Variants in NAPRT observed in about 807,000 individuals in gnomAD.
NAPRT encodes the protein FHA-HIT-interacting protein.
A neutral mutation model predicts 60.7 loss-of-function variants in NAPRT; 66 were observed. That is an observed-to-expected ratio of 1.09 (90% CI 0.89 to 1.33). The LOEUF is 1.33. Among genes scored for constraint, NAPRT ranks in the 40% most tolerant of loss-of-function variants. NAPRT has a pLI of 0.00. For synonymous variants in NAPRT, 405 were observed against 335.7 expected (o/e 1.21, Z -2.26); for missense variants, 818 against 731.5 (o/e 1.12, Z -1.36).
chr8:143,577,461 G>T, intron 3 of NAPRT, 62 bp from the exon 4 acceptor site: 3 of 1,536,946 alleles, frequency 2.0e-6, no homozygotes, highest in East Asian at 2.3e-5. Flanking sequence ...CCAAGACGGC[G>T]GTTACCTGGG....
chr8:143,577,999 A>G (rs1390695228), intron 1 of NAPRT, 56 bp from the exon 2 acceptor site: 3 of 1,528,228 alleles, frequency 2.0e-6, no homozygotes, highest in Non-Finnish European at 1.8e-6. Context: ...GTCGTGGGAC[A>G]TGGGGGGTTC....
intron 6 of NAPRT, 36 bp from the exon 7 acceptor site, chr8:143,576,608 G>C (rs1030818170): frequency 6.2e-7 from 1 of 1,605,754 alleles, no homozygotes; most frequent in South Asian, 1.1e-5. Context: ...AGGCTGCTGA[G>C]GTTCTGCTGA....
intron 3 of NAPRT, 71 bp from the exon 4 acceptor site, chr8:143,577,470 G>A: frequency 2.0e-6 from 3 of 1,525,008 alleles, no homozygotes; most frequent in Non-Finnish European, 2.7e-6. Context: ...CGGTTACCTG[G>A]GGCCTGGAAC....
At chr8:143,572,964 C>G, downstream of NAPRT, 1 of 480,462 alleles carries the variant, frequency 2.1e-6, no homozygotes, top group Non-Finnish European at 3.7e-6. Flanking sequence ...CACCAGGGCC[C>G]TGAGAACAGG....
rs1438670075 is a variant in NAPRT at position 143,576,641 on chromosome 8, C to T, written c.881+5G>A. On this transcript the variant is annotated splice_donor_5th_base_variant and intron_variant, in intron 6 of 12. Transcript: ENST00000449291. Reference sequence around the variant, plus strand: ...TGAGCCCACCCCTAAAGTGCCCGGGCTCACCTCCACACGCTGTAGGTGTCC... The same window carrying T: ...TGAGCCCACCCCTAAAGTGCCCGGGTTCACCTCCACACGCTGTAGGTGTCC... The T allele has an allele frequency of 6.2e-7, 1 of 1,606,542 alleles. No homozygotes were observed. Among genetic ancestry groups the T allele is most frequent in the Non-Finnish European group, 8.5e-7 (1 of 1,175,646 alleles).
chr8:143,576,489 C>CCA lies in NAPRT; in HGVS notation c.963_964dup (p.Gly322ValfsTer33), dbSNP rs758463034. On this transcript the variant is annotated frameshift_variant, in exon 7 of 13. Transcript: ENST00000449291. LOFTEE classifies it high-confidence loss of function. Reference sequence around the variant, plus strand: ...CTCCTGAGCCTGCTGTAGCAGGTCACCACTGTCCAGCCTCACGCCCACTGC... The same window carrying CCA: ...CTCCTGAGCCTGCTGTAGCAGGTCACCACACTGTCCAGCCTCACGCCCACTGC... 14 of 1,612,664 alleles carry CCA rather than the reference C, an allele frequency of 8.7e-6. No individual in the cohort carries two copies. The highest frequency in any genetic ancestry group is 1.1e-5 in the Non-Finnish European group (13 of 1,179,818).
Position 143,577,651 on chromosome 8 carries a change from GC to G in NAPRT, c.437+5del, listed in dbSNP as rs1173066683. On this transcript the variant is annotated splice_donor_5th_base_variant and intron_variant, in intron 3 of 12. Coordinates refer to ENST00000449291, the MANE Select transcript of NAPRT (RefSeq NM_145201.6). ...CCACGCTCCCTGCCAGTGGCCCGCA[GC>G]CCACCTGGCGTAGCTGACCAGGCAG... 1.2e-5 allele frequency: 18 copies of G among 1,536,834 alleles called. No homozygotes were observed. Among genetic ancestry groups the G allele is most frequent in the Non-Finnish European group, 1.5e-5 (17 of 1,146,568 alleles).
Position 143,577,848 on chromosome 8 carries a change from C to A in NAPRT, c.322G>T (p.Ala108Ser), listed in dbSNP as rs1440372159. Residue 108 changes from alanine (A) to serine (S), a missense_variant, in exon 2 of 13, where the codon GCC becomes TCC. Ala to Ser is a moderately conservative substitution (Grantham distance 99, BLOSUM62 1). Coordinates refer to ENST00000449291, the MANE Select transcript of NAPRT (RefSeq NM_145201.6). ...ALDCSEVTVR[A>S]LPEGSLAFPG... Reference sequence around the variant, plus strand: ...AAGGCGAGGGAGCCCTCGGGCAGGGCTCGCACCGTCACCTCGGAGCAGTCG... The same window carrying A: ...AAGGCGAGGGAGCCCTCGGGCAGGGATCGCACCGTCACCTCGGAGCAGTCG... The A allele has an allele frequency of 6.2e-7, 1 of 1,611,618 alleles. No homozygotes were observed.
At chr8:143,574,762 GACACAA>G (rs1563928297), downstream of NAPRT, 1 of 1,532,872 alleles carries the variant, frequency 6.5e-7, no homozygotes, top group South Asian at 1.2e-5. Flanking sequence ...GTGAACAAAC[GACACAA>G]ACAACACAGG....
At chr8:143,577,035 ACAG>A in intron 5 of NAPRT, 24 bp downstream of exon 5, 1 of 1,600,752 alleles carries the variant, frequency 6.2e-7, no homozygotes, top group Non-Finnish European at 8.5e-7. Flanking sequence ...TCGCCTGGAG[ACAG>A]CAGGGTTTAG....
At chr8:143,575,947 C>T in intron 8 of NAPRT, 131 bp downstream of exon 8, 1 of 694,128 alleles carries the variant, frequency 1.4e-6, no homozygotes. Flanking sequence ...AAGGAGGTGG[C>T]AGTGCCCTGG....
Position 143,577,440 on chromosome 8 carries a change from C to G in NAPRT, c.438-41G>C, listed in dbSNP as rs759653773. On this transcript the variant is annotated intron_variant, in intron 3 of 12. Transcript: ENST00000449291. ...AGTCAGGGGGTCCCAGGGTGAGGAT[C>G]ACTAGGCCACCCAAGACGGCGGTTA... 1.0e-5 allele frequency: 16 copies of G among 1,574,878 alleles called. No homozygotes were observed. The South Asian group carries it at 1.8e-4, about 18-fold the overall frequency.
Position 143,577,042 on chromosome 8 carries a change from G to A in NAPRT, c.684+20C>T, listed in dbSNP as rs899823350. 10 of 1,606,700 alleles carry A rather than the reference G, an allele frequency of 6.2e-6. No individual in the cohort carries two copies. Among genetic ancestry groups the A allele is most frequent in the South Asian group, 1.1e-5 (1 of 90,904 alleles). ...GGGGCCTGTCGCCTGGAGACAGCAG[G>A]GTTTAGAGGAGGGACTGACCGGGTC... On this transcript the variant is annotated intron_variant, in intron 5 of 12. Coordinates refer to ENST00000449291, the MANE Select transcript of NAPRT (RefSeq NM_145201.6).
At chr8:143,574,572 C>T, downstream of NAPRT, 2 of 594,544 alleles carry the variant, frequency 3.4e-6, no homozygotes, top group South Asian at 2.0e-5. Context: ...TGGGATCTGA[C>T]TCCCCACAGC....
In NAPRT at chr8:143,577,732, A is replaced by G. The variant is rs1213803662; in HGVS notation, c.362T>C (p.Leu121Pro). 1.9e-6 allele frequency: 3 copies of G among 1,550,008 alleles called. No individual in the cohort carries two copies. The highest frequency in any genetic ancestry group is 1.9e-5 in the Admixed American group (1 of 51,696). Residue 121 changes from leucine (L) to proline (P), a missense_variant, in exon 3 of 13, where the codon CTC (leucine) becomes CCC (proline). By Grantham distance (98) the Leu-to-Pro change is moderately conservative (BLOSUM62 -3). Transcript: ENST00000449291. ...CAGGAGCGGCCCGGACACCTGCAGG[A>G]GCGGCACCTGCGGGGAGAGAAGTCA... ...EGSLAFPGVP[L>P]LQVSGPLLVV...
At position 143,575,623 on chromosome 8, in the gene NAPRT, T is replaced by A. The variant is rs774652111; in HGVS notation, c.1187A>T (p.Lys396Met). 6.3e-7 allele frequency: 1 copy of A among 1,593,208 alleles called. No homozygotes were observed. The highest frequency in any genetic ancestry group is 1.1e-5 in the South Asian group (1 of 88,620). Residue 396 changes from lysine to methionine, a missense_variant and splice_region_variant, in exon 9 of 13, where the codon AAG becomes ATG. Physicochemically the swap from Lys to Met is moderately conservative, Grantham distance 95. Coordinates refer to ENST00000449291, the MANE Select transcript of NAPRT (RefSeq NM_145201.6). ...CTGGGCCCCCGACACTGTCCCTACC[T>A]TATAGACGCCACCCAGGGAAGGCTG... The part of the protein sequence containing the change: ...PQQPSLGGVY[K>M]LVAVGGQPRM...
In NAPRT at chr8:143,577,169, T is replaced by C; in HGVS notation, c.577A>G (p.Ser193Gly). Residue 193 changes from serine (S) to glycine (G), a missense_variant, in exon 5 of 13, where the codon AGC becomes GGC. Ser to Gly is a moderately conservative substitution (Grantham distance 56). Coordinates refer to ENST00000449291, the MANE Select transcript of NAPRT (RefSeq NM_145201.6). ...TGGCCCGCTAGCACGTTGCTGCTGC[T>C]GTCGAAGCCTGGGGAGGAAGGCGGT... ...STYSYLGGFD[S>G]SSNVLAGQLR... The C allele has an allele frequency of 6.2e-7, 1 of 1,611,798 alleles. No homozygotes were observed.
rs527620128 is a variant in NAPRT at position 143,576,848 on chromosome 8, G to A, written c.685-6C>T. On this transcript the variant is annotated splice_region_variant and splice_polypyrimidine_tract_variant and intron_variant, in intron 5 of 12. Transcript: ENST00000449291. ...CCAGCTGCTGGCGCCAACATCTGTG[G>A]AACAGAGTCGGTGAAGAATGGGGGC... The A allele has an allele frequency of 3.8e-6, 6 of 1,591,344 alleles. No homozygotes were observed. Among genetic ancestry groups the A allele is most frequent in the African/African-American group, 2.7e-5 (2 of 74,482 alleles).
At position 143,577,683 on chromosome 8, in the gene NAPRT, C is replaced by T. The variant is rs758743167; in HGVS notation, c.411G>A (p.Pro137=). The change falls in exon 3 of 13, where the codon CCG becomes CCA. Residue 137 remains proline, a synonymous_variant. Transcript: ENST00000449291. Reference sequence around the variant, plus strand: ...TGGCGTAGCTGACCAGGCAGAGCAGCGGTGTCTCCAGCAGCTGCACCACCA... The same window carrying T: ...TGGCGTAGCTGACCAGGCAGAGCAGTGGTGTCTCCAGCAGCTGCACCACCA... ...PLLVVQLLET[P]LLCLVSYASL... The T allele has an allele frequency of 1.8e-5, 28 of 1,540,910 alleles. No homozygotes were observed. In the East Asian group the frequency reaches 2.4e-4, roughly 13 times the overall value.
Sources: gnomAD v4.1 joint callset for allele counts on GRCh38, gnomAD v4.1.1 for gene constraint, MANE v1.5 for transcripts, NCBI Gene and HGNC (gene_info 2026-07-23, HGNC 2026-07-21) for gene names.